DGKK: variants seen among roughly 807,000 people sequenced by gnomAD.
DGKK encodes diacylglycerol kinase kappa.
In DGKK, 35 loss-of-function variants were observed where a neutral mutation model predicts 92.2. The observed-to-expected ratio is 0.38, with a 90% CI of 0.29 to 0.50. The LOEUF (loss-of-function observed/expected upper bound fraction) is 0.50, where lower values mean the gene tolerates loss of function less well. Among genes scored for constraint, DGKK ranks in the 20% least tolerant of loss-of-function variants. The pLI is 0.92. For synonymous variants in DGKK, 368 were observed against 360.6 expected (o/e 1.02, Z -0.23); for missense variants, 910 against 992.2 (o/e 0.92, Z 1.11).
At chrX:50,398,135 T>C (rs1383072894) in intron 8 of DGKK, among the ~76,000 whole-genome samples, 1 of 111,736 alleles carries the variant, frequency 8.9e-6, no homozygotes, top group East Asian at 2.8e-4. Context: ...GACTCAACGC[T>C]AGCAAGGGCC....
chrX:50,469,984 T>C (rs782671815), intron 1 of DGKK, 50 bp downstream of exon 1: 2 of 1,149,503 alleles, frequency 1.7e-6, no homozygotes, highest in Non-Finnish European at 2.3e-6. Context: ...TCCATAGCCA[T>C]CTGACTTCGC....
chrX:50,418,397 T>C (rs782245797), intron 4 of DGKK, among the ~76,000 whole-genome samples: 34 of 111,298 alleles, frequency 3.1e-4, no homozygotes, highest in African/African-American at 7.5e-4. Flanking sequence ...GGGCAACTAG[T>C]AGGGGATGGC....
At chrX:50,403,462 G>A (rs1408432826) in intron 6 of DGKK, 29 bp downstream of exon 6, 13 of 1,161,942 alleles carry the variant, frequency 1.1e-5, no homozygotes, top group African/African-American at 1.1e-4. Context: ...GGGAGAGGCC[G>A]ACTGTGGGAA....
intron 1 of DGKK, among the ~76,000 whole-genome samples, chrX:50,455,328 C>T (rs1926583192): frequency 8.9e-6 from 1 of 111,870 alleles, no homozygotes; most frequent in South Asian, 3.7e-4. Context: ...ATATCTGTAT[C>T]TATCTATGTC....
intron 4 of DGKK, among the ~76,000 whole-genome samples, chrX:50,408,345 T>A (rs1419618327): frequency 1.8e-5 from 2 of 112,480 alleles, no homozygotes; most frequent in African/African-American, 3.2e-5. Context: ...AATTTTTTTT[T>A]AAACCCACAA....
intron 8 of DGKK, among the ~76,000 whole-genome samples, chrX:50,399,377 A>C (rs1557226394): frequency 9.0e-6 from 1 of 110,940 alleles, no homozygotes; most frequent in Admixed American, 9.5e-5. Context: ...GAAACCATCT[A>C]CTCTTCTTTC....
At chrX:50,384,429 A>G (rs1428768103) in intron 16 of DGKK, among the ~76,000 whole-genome samples, 165 bp from the exon 17 acceptor site, 1 of 111,318 alleles carries the variant, frequency 9.0e-6, no homozygotes, top group African/African-American at 3.3e-5. Flanking sequence ...TCTTGGATGG[A>G]TAGGGACTTC....
At chrX:50,384,333 C>A in intron 16 of DGKK, 69 bp from the exon 17 acceptor site, 2 of 758,058 alleles carry the variant, frequency 2.6e-6, no homozygotes, top group East Asian at 3.8e-5. Context: ...ACTTGTATTT[C>A]GCCCTATTTT....
At chrX:50,424,554 T>A (rs1415152591) in intron 1 of DGKK, among the ~76,000 whole-genome samples, 196 bp from the exon 2 acceptor site, 9 of 112,224 alleles carry the variant, frequency 8.0e-5, no homozygotes, top group African/African-American at 2.6e-4. Context: ...GATTACTCAT[T>A]CAGGATGATA....
At chrX:50,468,429 C>T (rs1301789334) in intron 1 of DGKK, among the ~76,000 whole-genome samples, 1 of 111,074 alleles carries the variant, frequency 9.0e-6, no homozygotes, top group African/African-American at 3.3e-5. Flanking sequence ...GGGTGAGCTC[C>T]CAAATCTAGC....
chrX:50,461,050 G>T (rs1926731367), intron 1 of DGKK, among the ~76,000 whole-genome samples: 1 of 111,690 alleles, frequency 9.0e-6, no homozygotes, highest in African/African-American at 3.3e-5. Flanking sequence ...TAAAATCTAA[G>T]TGTCCAAAAA....
At position 50,424,338 on chromosome X, in the gene DGKK, A is replaced by T; in HGVS notation, c.666T>A (p.Pro222=). The stretch of plus-strand genomic sequence containing the variant: ...TGAAAGAGTTACAGTTCTTCAGCAT[A>T]GGTCCTTCCTTCAATATTTTCTGAA... ...SRIKKILKEG[P]MLKNCNSFKR... The change falls in exon 2 of 28, where the codon CCT becomes CCA. Residue 222 remains proline (P), a synonymous_variant. Transcript: ENST00000611977. 6 of 1,210,025 alleles carry T rather than the reference A, an allele frequency of 5.0e-6. No homozygotes were observed. The highest frequency in any genetic ancestry group is 6.7e-6 in the Non-Finnish European group (6 of 894,063).
chrX:50,433,264 A>C (rs1385056285), intron 1 of DGKK, among the ~76,000 whole-genome samples: 1 of 111,893 alleles, frequency 8.9e-6, no homozygotes, highest in African/African-American at 3.2e-5. Context: ...GTAATGAGTA[A>C]TCTTAGATCT....
At chrX:50,380,601 T>C (rs1384588842) in intron 18 of DGKK, among the ~76,000 whole-genome samples, 1 of 111,175 alleles carries the variant, frequency 9.0e-6, no homozygotes, top group Non-Finnish European at 1.9e-5. Context: ...TCTAAGCTTG[T>C]AGGGAGATTT....
At chrX:50,420,012 C>G (rs1456568951) in intron 4 of DGKK, among the ~76,000 whole-genome samples, 1 of 111,860 alleles carries the variant, frequency 8.9e-6, no homozygotes, top group African/African-American at 3.2e-5. Flanking sequence ...GGACTCGTTC[C>G]TACCTCTTTC....
At chrX:50,448,261 A>G (rs1445651546) in intron 1 of DGKK, among the ~76,000 whole-genome samples, 2 of 110,483 alleles carry the variant, frequency 1.8e-5, no homozygotes, top group Admixed American at 1.9e-4. Context: ...CCTGGATCCC[A>G]AATGGCTGAT....
At chrX:50,421,047 A>G (rs782467485) in intron 3 of DGKK, among the ~76,000 whole-genome samples, 139 of 112,153 alleles carry the variant, frequency 1.2e-3, no homozygotes, top group African/African-American at 4.1e-3. Context: ...TATGTGGTTC[A>G]TTAGGGTGTC....
chrX:50,439,845 G>A (rs1569544948), intron 1 of DGKK, among the ~76,000 whole-genome samples: 2 of 110,775 alleles, frequency 1.8e-5, no homozygotes, highest in Non-Finnish European at 3.8e-5. Flanking sequence ...CATAGTGCTA[G>A]GACTCATGAG....
chrX:50,393,743 C>T (rs1029843783), intron 8 of DGKK, among the ~76,000 whole-genome samples: 5 of 111,887 alleles, frequency 4.5e-5, no homozygotes, highest in African/African-American at 1.6e-4. Context: ...AGGAGGAAGA[C>T]CAGCACACAA....
Sources: allele counts gnomAD v4.1 joint callset (sites outside exome capture counted in the v4.1 genomes callset), GRCh38; gene constraint gnomAD v4.1.1; transcripts MANE v1.5; gene names NCBI Gene and HGNC (gene_info 2026-07-23, HGNC 2026-07-21).